The following LMAN1 variants were observed in gnomAD, a reference collection of about 807,000 sequenced individuals.
The protein encoded by LMAN1 is lectin, mannose binding 1, also known as protein ERGIC-53.
A neutral mutation model predicts 67.8 loss-of-function variants in LMAN1; 32 were observed. The ratio of observed to expected loss-of-function variants is 0.47; its 90% CI spans 0.36 to 0.63. LMAN1 has a LOEUF of 0.63. Among genes scored for constraint, LMAN1 ranks in the 30% least tolerant of loss-of-function variants. LMAN1 has a pLI of 0.00. For synonymous variants in LMAN1, 235 were observed against 219.3 expected (o/e 1.07, Z -0.63); for missense variants, 632 against 628.2 (o/e 1.01, Z -0.06).
chr18:59,355,753 G>C, intron 1 of LMAN1, 95 bp from the exon 2 acceptor site: 1 of 1,357,904 alleles, frequency 7.4e-7, no homozygotes, highest in Non-Finnish European at 1.0e-6. Context: ...CAGAGACTTA[G>C]TAACCTGTAC....
At position 59,338,586 on chromosome 18, in the gene LMAN1, ATG is replaced by A; in HGVS notation, c.1189_1190del (p.His397Ter). On this transcript the variant is annotated frameshift_variant, in exon 10 of 13. Coordinates refer to ENST00000251047, the MANE Select transcript of LMAN1 (RefSeq NM_005570.4). LOFTEE classifies it high-confidence loss of function. Reference protein sequence around the residue: ...QELDTVVKTQHEILRQVNEMK... With the variant: ...QELDTVVKTQXEILRQVNEMK... ...TTTCATTTACTTGTCTCAGAATCTCATGCTGAGTTTTCACAACAGTATCCAGT... is the reference window on the plus strand; with the variant it reads ...TTTCATTTACTTGTCTCAGAATCTCACTGAGTTTTCACAACAGTATCCAGT... The A allele has an allele frequency of 6.2e-7, 1 of 1,606,552 alleles. No homozygotes were observed. The highest frequency in any genetic ancestry group is 8.5e-7 in the Non-Finnish European group (1 of 1,173,320).
intron 10 of LMAN1, among the ~76,000 whole-genome samples, chr18:59,337,824 T>C (rs912152843): frequency 2.6e-5 from 4 of 152,220 alleles, no homozygotes; most frequent in African/African-American, 9.6e-5. Context: ...CACCTTCTGT[T>C]TGATCTAACC....
intron 8 of LMAN1, among the ~76,000 whole-genome samples, chr18:59,343,134 T>C (rs1179012286): frequency 6.7e-6 from 1 of 148,640 alleles, no homozygotes. Context: ...AAAACAACGA[T>C]GAGAGAAATG....
intron 10 of LMAN1, among the ~76,000 whole-genome samples, chr18:59,334,106 A>G (rs12373303): frequency 0.085 from 12,983 of 152,252 alleles, 805 homozygotes; most frequent in African/African-American, 0.17. Flanking sequence ...ACATTTTAAT[A>G]TAACTAAAAT....
intron 7 of LMAN1, among the ~76,000 whole-genome samples, chr18:59,346,947 G>A (rs530134310): frequency 1.5e-3 from 222 of 152,028 alleles, no homozygotes; most frequent in Admixed American, 2.7e-3. Context: ...GAAATGAAGC[G>A]TGGCCGAGCG....
intron 7 of LMAN1, among the ~76,000 whole-genome samples, chr18:59,346,840 A>T (rs900930510): frequency 1.4e-4 from 21 of 152,016 alleles, no homozygotes; most frequent in African/African-American, 5.1e-4. Flanking sequence ...TCTAATAATA[A>T]CCACTACCAT....
chr18:59,355,346 T>C lies in LMAN1; in HGVS notation c.444A>G (p.Gly148=). ...CATTGTCAAAAGAATCAAAAAATATTCCAACACCATTCCACAGATCAGCTG... is the reference window on the plus strand; with the variant it reads ...CATTGTCAAAAGAATCAAAAAATATCCCAACACCATTCCACAGATCAGCTG... The part of the protein sequence containing the change: ...FGSADLWNGV[G]IFFDSFDNDG... Residue 148 remains glycine (G), a synonymous_variant, in exon 3 of 13, where the codon GGA becomes GGG. Transcript: ENST00000251047. 1 of 1,613,854 alleles carries C rather than the reference T, an allele frequency of 6.2e-7. No individual in the cohort carries two copies. Among genetic ancestry groups the C allele is most frequent in the African/African-American group, 1.3e-5 (1 of 75,026 alleles).
chr18:59,357,021 T>C (rs987194820), intron 1 of LMAN1, among the ~76,000 whole-genome samples: 3 of 152,200 alleles, frequency 2.0e-5, no homozygotes, highest in Admixed American at 6.5e-5. Flanking sequence ...AGATCTTAAA[T>C]TTCTCTACTT....
In LMAN1 at chr18:59,331,223, T is replaced by C. The variant is rs557989140; in HGVS notation, c.1497-94A>G. The C allele has an allele frequency of 1.5e-5, 17 of 1,151,818 alleles. No individual in the cohort carries two copies. In the African/African-American group the frequency reaches 2.6e-4, roughly 18 times the overall value. 71.3% of individuals were successfully genotyped at this position (1,151,818 alleles called of 1,614,324 possible). A position where few individuals can be genotyped will look rare whatever the true frequency, so the allele number is the denominator to read the frequency against. On this transcript the variant is annotated intron_variant, in intron 12 of 12. Transcript: ENST00000251047. ...TTTAAAATTAAAATATCAATGCCTT[T>C]TGAAGTATACAACGCATTAAGATAA...
At chr18:59,349,044 T>G (rs916614729) in intron 6 of LMAN1, 69 bp downstream of exon 6, 35 of 1,555,956 alleles carry the variant, frequency 2.2e-5, no homozygotes, top group Non-Finnish European at 2.9e-5. Flanking sequence ...AGTCTACATA[T>G]CCCTAATATA....
Position 59,345,970 on chromosome 18 carries a change from T to C in LMAN1, c.904A>G (p.Lys302Glu), listed in dbSNP as rs183873209. 24 of 1,613,784 alleles carry C rather than the reference T, an allele frequency of 1.5e-5. No homozygotes were observed. Among genetic ancestry groups the C allele is most frequent in the Non-Finnish European group, 1.9e-5 (23 of 1,179,926 alleles). The change falls in exon 8 of 13, where the codon AAA becomes GAA. Residue 302 changes from lysine (K) to glutamate (E), a missense_variant. Coordinates refer to ENST00000251047, the MANE Select transcript of LMAN1 (RefSeq NM_005570.4). ...CCCTTCTGGAATTCCTCTTTTTTTT[T>C]ATCCAATTCTTGTTGAAAGTGCTCA... is the stretch of plus-strand genomic sequence containing the variant. ...EFEHFQQELD[K>E]KKEEFQKGHP...
chr18:59,331,625 T>C, intron 11 of LMAN1, 86 bp from the exon 12 acceptor site: 2 of 1,442,694 alleles, frequency 1.4e-6, no homozygotes, highest in Non-Finnish European at 9.7e-7. Flanking sequence ...TAAAACTGTT[T>C]GCTATATAAA....
chr18:59,346,973 G>A (rs1469890702), intron 7 of LMAN1, among the ~76,000 whole-genome samples: 1 of 151,540 alleles, frequency 6.6e-6, no homozygotes, highest in Admixed American at 6.6e-5. Context: ...GCTCACACCT[G>A]TAATCCCAGC....
chr18:59,355,282 A>T (rs1908633811), intron 3 of LMAN1, 31 bp downstream of exon 3: 1 of 1,484,862 alleles, frequency 6.7e-7, no homozygotes, highest in Non-Finnish European at 9.4e-7. Flanking sequence ...AGATGTATTA[A>T]AGTGGATAAC....
At chr18:59,358,744 A>C (rs896951844) in intron 1 of LMAN1, among the ~76,000 whole-genome samples, 7 of 152,102 alleles carry the variant, frequency 4.6e-5, no homozygotes, top group Admixed American at 1.3e-4. Context: ...GTAACCAAAC[A>C]CCTCTAGATC....
intron 4 of LMAN1, among the ~76,000 whole-genome samples, chr18:59,354,311 A>C (rs868434676): frequency 6.6e-6 from 1 of 152,216 alleles, no homozygotes; most frequent in African/African-American, 2.4e-5. Context: ...AAAAACACAT[A>C]CCATGGTTGA....
chr18:59,337,650 TAACTA>T (rs1274319226), intron 10 of LMAN1, among the ~76,000 whole-genome samples: 4 of 152,356 alleles, frequency 2.6e-5, no homozygotes, highest in Admixed American at 2.6e-4. Context: ...TCTATTCATT[TAACTA>T]AACTATTTGA....
At chr18:59,346,822 C>T (rs1352772298) in intron 7 of LMAN1, among the ~76,000 whole-genome samples, 1 of 152,004 alleles carries the variant, frequency 6.6e-6, no homozygotes, top group Non-Finnish European at 1.5e-5. Flanking sequence ...ACCCGGCCTA[C>T]TCTTGCCTCT....
At chr18:59,348,365 G>A (rs1363391098) in intron 6 of LMAN1, among the ~76,000 whole-genome samples, 1 of 152,182 alleles carries the variant, frequency 6.6e-6, no homozygotes, top group Non-Finnish European at 1.5e-5. Flanking sequence ...GGGTAACAGG[G>A]CACTGAACCT....
Sources: gnomAD v4.1 joint callset for allele counts (sites outside exome capture counted in the v4.1 genomes callset) on GRCh38, gnomAD v4.1.1 for gene constraint, MANE v1.5 for transcripts, NCBI Gene and HGNC (gene_info 2026-07-23, HGNC 2026-07-21) for gene names.